The following CELSR1 variants were observed in gnomAD, a reference collection of about 807,000 sequenced individuals.
The protein encoded by CELSR1 is cadherin EGF LAG seven-pass G-type receptor 1.
CELSR1 carries 110 observed loss-of-function variants against 249.1 expected under a neutral mutation model. The ratio of observed to expected loss-of-function variants is 0.44; its 90% confidence interval spans 0.38 to 0.52. The LOEUF is 0.52. Ranked by LOEUF, CELSR1 falls within the 20% of genes least tolerant of loss-of-function variation. CELSR1 has a pLI of 0.00. For synonymous variants in CELSR1, 2,113 were observed against 1,900.0 expected (o/e 1.11, Z -2.92); for missense variants, 4,109 against 4,296.4 (o/e 0.96, Z 1.22).
intron 1 of CELSR1, among the ~76,000 whole-genome samples, chr22:46,482,178 C>T (rs997278539): frequency 7.9e-5 from 12 of 152,232 alleles, no homozygotes; most frequent in Admixed American, 4.6e-4. Flanking sequence ...GCTGTGACTG[C>T]GTTATGCCAC....
At position 46,506,781 on chromosome 22, in the gene CELSR1, C is replaced by T. The variant is rs1031461096; in HGVS notation, c.3544+26846G>A. Among the ~76,000 whole-genome samples the T allele has an allele frequency of 1.1e-4, 17 of 152,200 alleles. No homozygotes were observed. The highest frequency in any genetic ancestry group is 4.1e-4 in the South Asian group (2 of 4,822). On this transcript the variant is annotated intron_variant, in intron 1 of 34. Transcript: ENST00000674500. The surrounding 1 kb of genome is among the most constrained non-coding windows in gnomAD (Gnocchi z 4.1). The stretch of plus-strand genomic sequence containing the variant: ...ATGTGGACAGATGCTGAGATCTCTC[C>T]GGAAAGATGCCCGATAACAGGAAGC...
At position 46,473,600 on chromosome 22, in the gene CELSR1, A is replaced by G. The variant is rs2080177885; in HGVS notation, c.3545-9255T>C. Among the ~76,000 whole-genome samples the G allele has an allele frequency of 1.3e-5, 2 of 152,164 alleles. No homozygotes were observed. Among genetic ancestry groups the G allele is most frequent in the Admixed American group, 1.3e-4 (2 of 15,276 alleles). On this transcript the variant is annotated intron_variant, in intron 1 of 34. Coordinates refer to ENST00000674500, the MANE Select transcript of CELSR1 (RefSeq NM_001378328.1). This position sits in a 1 kb window ranked among gnomAD's most constrained non-coding sequence, Gnocchi z 6.6. ...CGAGGCCTGGTTAGGGCAGCCCATG[A>G]TGCCCTCGGGGTCCAGAGTCATTCC...
chr22:46,429,280 C>T lies in CELSR1; in HGVS notation c.4611+4113G>A, dbSNP rs1002284297. ...ATTCTCAAGTGGGGAGAACGTTTTC[C>T]GTCAGGCATGTCCACCCTTTTGAAG... On this transcript the variant is annotated intron_variant, in intron 5 of 34. Coordinates refer to ENST00000674500, the MANE Select transcript of CELSR1 (RefSeq NM_001378328.1). This position sits in a 1 kb window ranked among gnomAD's most constrained non-coding sequence, Gnocchi z 4.1. 2.6e-5 allele frequency among the ~76,000 whole-genome samples: 4 copies of T among 152,172 alleles called. No homozygotes were observed. The highest frequency in any genetic ancestry group is 6.5e-5 in the Admixed American group (1 of 15,276).
chr22:46,474,603 T>C (rs2080188557), intron 1 of CELSR1, among the ~76,000 whole-genome samples: 1 of 152,096 alleles, frequency 6.6e-6, no homozygotes, highest in African/African-American at 2.4e-5. Context: ...TCCTTTCCTC[T>C]AGCTATTTTG....
chr22:46,424,919 T>C (rs1316393268), intron 5 of CELSR1, among the ~76,000 whole-genome samples: 1 of 152,204 alleles, frequency 6.6e-6, no homozygotes, highest in Non-Finnish European at 1.5e-5. Flanking sequence ...TGCAGTGAGC[T>C]GAGATCGTGC....
Position 46,536,433 on chromosome 22 carries a change from C to T in CELSR1, c.738G>A (p.Pro246=), listed in dbSNP as rs756478134. The part of the protein sequence containing the change: ...GTSGRGSLKF[P]MPNYQVALFE... ...ACAACGCCACCTGGTAGTTGGGCAT[C>T]GGAAACTTCAGGCTCCCTCTGCCGC... Residue 246 remains proline, a synonymous_variant, in exon 1 of 35, where the codon CCG becomes CCA. Coordinates refer to ENST00000674500, the MANE Select transcript of CELSR1 (RefSeq NM_001378328.1). The T allele has an allele frequency of 3.1e-6, 5 of 1,612,238 alleles. No homozygotes were observed. In the South Asian group the frequency reaches 4.4e-5, roughly 14 times the overall value.
chr22:46,524,504 C>T (rs925430764), intron 1 of CELSR1, among the ~76,000 whole-genome samples: 4 of 152,046 alleles, frequency 2.6e-5, no homozygotes, highest in African/African-American at 7.2e-5. Context: ...TTACCCCACA[C>T]GATGACCTTG....
intron 26 of CELSR1, 52 bp from the exon 27 acceptor site, chr22:46,369,310 C>G: frequency 1.5e-6 from 1 of 678,662 alleles, no homozygotes; most frequent in Non-Finnish European, 2.2e-6. Context: ...CTGCAGACCT[C>G]CAACTGCCAA....
In CELSR1 at chr22:46,380,365, C is replaced by A. The variant is rs1300947911; in HGVS notation, c.7256+423G>T. ...GACTGTGTCAGCCTCTCGGGCAAGACCGTCAGCAGATGGGCTCTTAGGCCA... is the reference window on the plus strand; with the variant it reads ...GACTGTGTCAGCCTCTCGGGCAAGAACGTCAGCAGATGGGCTCTTAGGCCA... On this transcript the variant is annotated intron_variant, in intron 22 of 34. Coordinates refer to ENST00000674500, the MANE Select transcript of CELSR1 (RefSeq NM_001378328.1). This position sits in a 1 kb window ranked among gnomAD's most constrained non-coding sequence, Gnocchi z 5.1. Among the ~76,000 whole-genome samples the A allele has an allele frequency of 6.6e-6, 1 of 152,194 alleles. No individual in the cohort carries two copies. Among genetic ancestry groups the A allele is most frequent in the African/African-American group, 2.4e-5 (1 of 41,444 alleles).
intron 2 of CELSR1, among the ~76,000 whole-genome samples, chr22:46,458,719 G>A (rs558383173): frequency 7.5e-4 from 114 of 152,244 alleles, no homozygotes; most frequent in African/African-American, 1.3e-3. Flanking sequence ...TCCCCAAGTC[G>A]AATCCTGGCC....
In CELSR1 at chr22:46,409,739, G is replaced by A. The variant is rs769247063; in HGVS notation, c.5059+16C>T. 9 of 1,611,370 alleles carry A rather than the reference G, an allele frequency of 5.6e-6. No individual in the cohort carries two copies. The highest frequency in any genetic ancestry group is 2.7e-5 in the African/African-American group (2 of 74,926). On this transcript the variant is annotated intron_variant, in intron 8 of 34. Transcript: ENST00000674500. The surrounding 1 kb of genome is among the most constrained non-coding windows in gnomAD (Gnocchi z 9.8). ...GGCCGCCGTGACCGGGGGGATGGAC[G>A]ACGCCGGCCACTCACCTTGCTCACA...
Position 46,410,214 on chromosome 22 carries a change from G to A in CELSR1, c.4933+184C>T, listed in dbSNP as rs2079316620. 6.6e-6 allele frequency among the ~76,000 whole-genome samples: 1 copy of A among 152,238 alleles called. No homozygotes were observed. On this transcript the variant is annotated intron_variant, in intron 7 of 34. Transcript: ENST00000674500. The surrounding 1 kb of genome is among the most constrained non-coding windows in gnomAD (Gnocchi z 6.8). ...ACCCCAAACTGCAGATGCAGGAACT[G>A]CGGAGATGCACATCTCCAGCCTGGA...
chr22:46,391,284 A>G lies in CELSR1; in HGVS notation c.6152T>C (p.Ile2051Thr), dbSNP rs377641746. The G allele has an allele frequency of 3.1e-6, 5 of 1,613,306 alleles. No individual in the cohort carries two copies. The highest frequency in any genetic ancestry group is 3.3e-5 in the Admixed American group (2 of 59,986). Reference protein sequence around the residue: ...AEVTTLGCEVIYNGCPKAFEA... With the variant: ...AEVTTLGCEVTYNGCPKAFEA... ...AAATGCTTTGGGACAGCCATTGTAG[A>G]TCACTGGGGTAGAGAAGAGAGAAGT... The change falls in exon 16 of 35, where the codon ATC (isoleucine) becomes ACC (threonine). Residue 2051 changes from isoleucine to threonine, a missense_variant. Physicochemically the swap from Ile to Thr is moderately conservative, Grantham distance 89. This residue lies in a region of CELSR1 where 1,805 missense variants were observed against 1,831.6 expected (regional missense o/e 0.99). Coordinates refer to ENST00000674500, the MANE Select transcript of CELSR1 (RefSeq NM_001378328.1). The surrounding 1 kb of genome is among the most constrained non-coding windows in gnomAD (Gnocchi z 4.3).
chr22:46,519,337 T>G (rs1705931890), intron 1 of CELSR1, among the ~76,000 whole-genome samples: 1 of 152,266 alleles, frequency 6.6e-6, no homozygotes. Flanking sequence ...CCAGCCAAAT[T>G]GCTTCAGTGT....
In CELSR1 at chr22:46,412,934, T is replaced by C. The variant is rs1193131049; in HGVS notation, c.4612-1175A>G. Among the ~76,000 whole-genome samples, 3 of 152,116 alleles carry C rather than the reference T, an allele frequency of 2.0e-5. No individual in the cohort carries two copies. Among genetic ancestry groups the C allele is most frequent in the East Asian group, 1.9e-4 (1 of 5,182 alleles). The stretch of plus-strand genomic sequence containing the variant: ...AGGCAAGTGCCACCATGCCCCACAA[T>C]TGGCACACAATGCGCAGCAGAGCCT... On this transcript the variant is annotated intron_variant, in intron 5 of 34. Transcript: ENST00000674500. This position sits in a 1 kb window ranked among gnomAD's most constrained non-coding sequence, Gnocchi z 4.5.
chr22:46,373,640 A>C (rs2078882484), intron 24 of CELSR1, among the ~76,000 whole-genome samples: 1 of 123,772 alleles, frequency 8.1e-6, no homozygotes, highest in South Asian at 2.8e-4. Context: ...GAACCAGCCA[A>C]ATGGGAGAAT....
rs1310645789 is a variant in CELSR1, at chr22:46,470,190, A to G, written c.3545-5845T>C. Among the ~76,000 whole-genome samples, 4 of 151,366 alleles carry G rather than the reference A, an allele frequency of 2.6e-5. No homozygotes were observed. In the East Asian group the frequency reaches 7.8e-4, roughly 29 times the overall value. On this transcript the variant is annotated intron_variant, in intron 1 of 34. Transcript: ENST00000674500. The stretch of plus-strand genomic sequence containing the variant: ...TACTTCCTCGTGGCAGTTGTTATGA[A>G]ACATGCTTTTATCTTAAACCACACA...
intron 25 of CELSR1, among the ~76,000 whole-genome samples, chr22:46,371,892 C>T (rs937352627): frequency 6.0e-5 from 8 of 133,646 alleles, no homozygotes; most frequent in African/African-American, 2.3e-4. Flanking sequence ...CATCCATCCA[C>T]CCACCTCTCC....
rs192809826 is a variant in CELSR1 at position 46,390,970 on chromosome 22, G to A, written c.6250+216C>T. Among the ~76,000 whole-genome samples the A allele has an allele frequency of 6.6e-6, 1 of 152,232 alleles. No individual in the cohort carries two copies. Among genetic ancestry groups the A allele is most frequent in the Non-Finnish European group, 1.5e-5 (1 of 68,042 alleles). ...GGGACTGGCCGGGCCTGACTGGCGG[G>A]CGTCCCCACACGCGCTGCACTGTTC... On this transcript the variant is annotated intron_variant, in intron 16 of 34. Coordinates refer to ENST00000674500, the MANE Select transcript of CELSR1 (RefSeq NM_001378328.1). This position sits in a 1 kb window ranked among gnomAD's most constrained non-coding sequence, Gnocchi z 6.3.
Sources: gnomAD v4.1 joint callset for allele counts (sites outside exome capture counted in the v4.1 genomes callset) on GRCh38, gnomAD v4.1.1 for gene constraint, gnomAD v4.1.1 regional missense constraint, Gnocchi (gnomAD v3.1) non-coding constraint, MANE v1.5 for transcripts, NCBI Gene and HGNC (gene_info 2026-07-23, HGNC 2026-07-21) for gene names.